The following ITCH variants were observed in gnomAD, a reference collection of about 807,000 sequenced individuals.
The protein encoded by ITCH is E3 ubiquitin-protein ligase Itchy homolog.
In ITCH, 28 loss-of-function variants were observed where a neutral mutation model predicts 126.8. The ratio of observed to expected loss-of-function variants is 0.22; its 90% confidence interval spans 0.16 to 0.30. The LOEUF (loss-of-function observed/expected upper bound fraction) is 0.30. Among genes scored for constraint, ITCH ranks in the 10% least tolerant of loss-of-function variants. The pLI is 1.00. For missense variants in ITCH, 631 were observed against 1,032.4 expected (o/e 0.61, Z 5.33); for synonymous variants, 342 against 340.0 (o/e 1.01, Z -0.06).
In ITCH at chr20:34,487,017, T is replaced by TTG. The variant is rs1335868121; in HGVS notation, c.2094-2248_2094-2247insGT. 7.4e-5 allele frequency among the ~76,000 whole-genome samples: 11 copies of TTG among 147,754 alleles called. No individual in the cohort carries two copies. The South Asian group carries it at 2.2e-3, about 29-fold the overall frequency. On this transcript the variant is annotated intron_variant, in intron 20 of 24. Coordinates refer to ENST00000374864, the MANE Select transcript of ITCH (RefSeq NM_031483.7). Reference sequence around the variant, plus strand: ...TATTTAAAAGTATTTGTTAGGTTTTTTTTTTTTTTTTTTTGAGACGTAGTC... The same window carrying TTG: ...TATTTAAAAGTATTTGTTAGGTTTTTTGTTTTTTTTTTTTTTGAGACGTAGTC...
intron 4 of ITCH, among the ~76,000 whole-genome samples, chr20:34,409,296 G>A (rs1325496446): frequency 6.6e-6 from 1 of 152,012 alleles, no homozygotes; most frequent in South Asian, 2.1e-4. Context: ...GGCCTCAAGA[G>A]ATCCTCCTGC....
chr20:34,464,243 C>G (rs1472176605), intron 14 of ITCH, among the ~76,000 whole-genome samples: 1 of 151,294 alleles, frequency 6.6e-6, no homozygotes, highest in Non-Finnish European at 1.5e-5. Context: ...CCACCTCAGT[C>G]TCCCAAAGTG....
At chr20:34,395,455 A>G (rs1323412921) in intron 3 of ITCH, among the ~76,000 whole-genome samples, 3 of 152,168 alleles carry the variant, frequency 2.0e-5, no homozygotes, top group Non-Finnish European at 4.4e-5. Flanking sequence ...TGAGAGACTT[A>G]CTTAGTTCAG....
At chr20:34,386,171 A>C (rs936248804) in intron 2 of ITCH, among the ~76,000 whole-genome samples, 3 of 150,540 alleles carry the variant, frequency 2.0e-5, no homozygotes, top group African/African-American at 7.4e-5. Flanking sequence ...CAGTGGTGTG[A>C]TCTCAGCTCA....
chr20:34,448,249 T>C (rs1274749530), intron 11 of ITCH, among the ~76,000 whole-genome samples: 2 of 151,908 alleles, frequency 1.3e-5, no homozygotes, highest in Non-Finnish European at 2.9e-5. Context: ...AAAAGTTAGC[T>C]GGGCGTGGTG....
intron 16 of ITCH, among the ~76,000 whole-genome samples, chr20:34,475,694 A>G (rs1046920007): frequency 5.2e-4 from 74 of 142,362 alleles, no homozygotes; most frequent in Admixed American, 1.7e-3. Flanking sequence ...GGAGAGGCAG[A>G]GGCAGGGGCA....
chr20:34,381,739 G>A (rs185389517), intron 2 of ITCH, among the ~76,000 whole-genome samples: 14 of 151,910 alleles, frequency 9.2e-5, no homozygotes, highest in Middle Eastern at 3.4e-3. Context: ...GTGCCTGTAT[G>A]TAGTCCCAGC....
At chr20:34,407,192 T>TA (rs369780947) in intron 3 of ITCH, among the ~76,000 whole-genome samples, 21 of 150,456 alleles carry the variant, frequency 1.4e-4, no homozygotes, top group Admixed American at 6.0e-4. Flanking sequence ...TATGAGATGT[T>TA]AAAAAAAAAA....
chr20:34,417,221 C>T (rs937191688), intron 6 of ITCH: 83 of 658,088 alleles, frequency 1.3e-4, no homozygotes, highest in African/African-American at 1.2e-3. Flanking sequence ...CTCAGCCTCC[C>T]GAGTAGCTGG....
At chr20:34,387,275 C>G (rs2038318108) in intron 2 of ITCH, among the ~76,000 whole-genome samples, 1 of 151,240 alleles carries the variant, frequency 6.6e-6, no homozygotes, top group Non-Finnish European at 1.5e-5. Flanking sequence ...TGCACTCCAG[C>G]CTGGGCGACA....
At chr20:34,494,874 AC>A (rs1989750667) in intron 23 of ITCH, among the ~76,000 whole-genome samples, 1 of 152,010 alleles carries the variant, frequency 6.6e-6, no homozygotes, top group South Asian at 2.1e-4. Flanking sequence ...TGGGAGGATC[AC>A]TTGAGCCTTG....
intron 7 of ITCH, among the ~76,000 whole-genome samples, chr20:34,436,170 A>AAGCAT (rs1982980133): frequency 6.6e-6 from 1 of 152,164 alleles, no homozygotes; most frequent in African/African-American, 2.4e-5. Flanking sequence ...TCATGCACTG[A>AAGCAT]ATGTTCCTTC....
In ITCH at chr20:34,413,882, A is replaced by C; in HGVS notation, c.475+3A>C. On this transcript the variant is annotated splice_donor_region_variant and intron_variant, in intron 6 of 24. Coordinates refer to ENST00000374864, the MANE Select transcript of ITCH (RefSeq NM_031483.7). ...TGGTGAAACTACATGTTCAGAAAGT[A>C]AGTGACTACCTTTTTAAGGTCTTTA... 1 of 1,610,198 alleles carries C rather than the reference A, an allele frequency of 6.2e-7. No individual in the cohort carries two copies. The highest frequency in any genetic ancestry group is 1.3e-5 in the African/African-American group (1 of 74,972).
chr20:34,483,119 T>C (rs6058060), intron 20 of ITCH, among the ~76,000 whole-genome samples: 8 of 142,064 alleles, frequency 5.6e-5, no homozygotes, highest in African/African-American at 1.8e-4. Flanking sequence ...GCCCGGCCCA[T>C]GAAACCATTT....
chr20:34,504,702 A>G (rs1990512046), intron 24 of ITCH, among the ~76,000 whole-genome samples: 1 of 152,240 alleles, frequency 6.6e-6, no homozygotes, highest in African/African-American at 2.4e-5. Context: ...CATGACCACA[A>G]ATATTCTCAT....
chr20:34,503,628 T>G (rs1362290632), intron 23 of ITCH, among the ~76,000 whole-genome samples: 1 of 152,182 alleles, frequency 6.6e-6, no homozygotes, highest in Non-Finnish European at 1.5e-5. Context: ...AATTAAGCTT[T>G]TTGTGTGTTC....
chr20:34,382,633 C>A (rs2038107409), intron 2 of ITCH, among the ~76,000 whole-genome samples: 1 of 151,950 alleles, frequency 6.6e-6, no homozygotes. Flanking sequence ...GTCTTGAACT[C>A]CTGACCACAA....
intron 16 of ITCH, among the ~76,000 whole-genome samples, chr20:34,472,116 C>T (rs1438174604): frequency 6.6e-6 from 1 of 152,072 alleles, no homozygotes; most frequent in Non-Finnish European, 1.5e-5. Flanking sequence ...TGGCTCATGC[C>T]TGTAATCCCA....
At chr20:34,384,692 G>A (rs1368836822) in intron 2 of ITCH, among the ~76,000 whole-genome samples, 10 of 126,490 alleles carry the variant, frequency 7.9e-5, no homozygotes, top group Non-Finnish European at 1.6e-5. Flanking sequence ...ACGGAGTCTC[G>A]CTCTGTCGCC....
Sources: gnomAD v4.1 joint callset for allele counts (sites outside exome capture counted in the v4.1 genomes callset) on GRCh38, gnomAD v4.1.1 for gene constraint, MANE v1.5 for transcripts, NCBI Gene and HGNC (gene_info 2026-07-23, HGNC 2026-07-21) for gene names.